Variants in KIAA1549L observed in about 807,000 individuals in gnomAD.
KIAA1549L encodes UPF0606 protein KIAA1549L.
Under a neutral mutation model 160.7 loss-of-function variants are expected in KIAA1549L, and 88 were observed. The observed-to-expected ratio is 0.55, with a 90% CI of 0.46 to 0.65. The LOEUF (loss-of-function observed/expected upper bound fraction) is 0.65. Ranked by LOEUF, KIAA1549L falls within the 30% of genes least tolerant of loss-of-function variation. The pLI is 0.00. For synonymous variants in KIAA1549L, 950 were observed against 976.7 expected (o/e 0.97, Z 0.51); for missense variants, 2,258 against 2,437.5 (o/e 0.93, Z 1.55).
At chr11:33,606,932 A>G in intron 14 of KIAA1549L, 110 bp downstream of exon 14, 3 of 899,646 alleles carry the variant, frequency 3.3e-6, no homozygotes, top group Non-Finnish European at 5.0e-6. Context: ...AGGGCCGTAT[A>G]GGTCATTTTT....
At chr11:33,518,168 A>G (rs980487725) in intron 1 of KIAA1549L, among the ~76,000 whole-genome samples, 64 of 136,616 alleles carry the variant, frequency 4.7e-4, no homozygotes, top group Non-Finnish European at 3.8e-4. Flanking sequence ...AAAAAAAAAG[A>G]CATAGCAAAG....
intron 1 of KIAA1549L, among the ~76,000 whole-genome samples, chr11:33,516,126 G>T (rs1853339030): frequency 6.7e-6 from 1 of 150,086 alleles, no homozygotes; most frequent in East Asian, 2.0e-4. Flanking sequence ...CTACCAATCA[G>T]CTGGAGGTGA....
chr11:33,404,153 A>C (rs1254775263), intron 1 of KIAA1549L, among the ~76,000 whole-genome samples: 1 of 152,166 alleles, frequency 6.6e-6, no homozygotes, highest in East Asian at 1.9e-4. Context: ...GATCCTTTAA[A>C]TCTCCTGTAC....
chr11:33,536,097 T>C (rs1455341298), intron 1 of KIAA1549L, among the ~76,000 whole-genome samples: 3 of 152,230 alleles, frequency 2.0e-5, no homozygotes, highest in Non-Finnish European at 4.4e-5. Flanking sequence ...CTGAATCCTT[T>C]TGAGAATCTG....
chr11:33,503,916 T>C (rs1393964357), intron 1 of KIAA1549L, among the ~76,000 whole-genome samples: 1 of 152,272 alleles, frequency 6.6e-6, no homozygotes, highest in Non-Finnish European at 1.5e-5. Context: ...TATTCAGCTC[T>C]GATGACATTC....
chr11:33,491,506 A>G (rs1235627593), intron 1 of KIAA1549L, among the ~76,000 whole-genome samples: 5 of 152,226 alleles, frequency 3.3e-5, no homozygotes, highest in Non-Finnish European at 7.4e-5. Context: ...TAACTTTCCA[A>G]TCAGCCAAGA....
chr11:33,575,101 A>ACC (rs923978143), intron 10 of KIAA1549L, among the ~76,000 whole-genome samples: 3 of 152,164 alleles, frequency 2.0e-5, no homozygotes, highest in Non-Finnish European at 2.9e-5. Flanking sequence ...AGTCCTACCC[A>ACC]CCCTTCTTCC....
chr11:33,380,885 C>T (rs1055442680), intron 1 of KIAA1549L, among the ~76,000 whole-genome samples: 6 of 152,034 alleles, frequency 3.9e-5, no homozygotes, highest in Non-Finnish European at 8.8e-5. Flanking sequence ...AACTTGCAGT[C>T]GAGTCTAGAA....
intron 1 of KIAA1549L, among the ~76,000 whole-genome samples, chr11:33,423,094 C>T (rs931901270): frequency 1.1e-4 from 16 of 152,120 alleles, no homozygotes; most frequent in South Asian, 4.1e-4. Flanking sequence ...TGAAAATATG[C>T]GAGGACTTCA....
At chr11:33,521,667 T>G (rs2133127128) in intron 1 of KIAA1549L, among the ~76,000 whole-genome samples, 1 of 152,288 alleles carries the variant, frequency 6.6e-6, no homozygotes, top group South Asian at 2.1e-4. Context: ...CCTCCCAGAC[T>G]CTAGCAAATG....
chr11:33,431,222 A>T (rs910569279), intron 1 of KIAA1549L, among the ~76,000 whole-genome samples: 1 of 152,312 alleles, frequency 6.6e-6, no homozygotes, highest in South Asian at 2.1e-4. Context: ...AAGAGTGAGC[A>T]GTAGCAAGAT....
chr11:33,547,888 T>A lies in KIAA1549L; in HGVS notation c.3501+9T>A, dbSNP rs769214782. 34 of 1,576,434 alleles carry A rather than the reference T, an allele frequency of 2.2e-5. No homozygotes were observed. In the South Asian group the frequency reaches 3.7e-4, roughly 17 times the overall value. ...ACGATGTCTCAGCTCACGTAAGTGC[T>A]TTGCTTTGTAACCAAGCTAATCCAT... On this transcript the variant is annotated intron_variant, in intron 4 of 20. Coordinates refer to ENST00000658780, the MANE Select transcript of KIAA1549L (RefSeq NM_012194.3).
At chr11:33,482,631 G>A (rs937756629) in intron 1 of KIAA1549L, among the ~76,000 whole-genome samples, 6 of 144,880 alleles carry the variant, frequency 4.1e-5, no homozygotes, top group Non-Finnish European at 6.0e-5. Flanking sequence ...GCGGTGGCAT[G>A]ATCTTGGCCC....
intron 1 of KIAA1549L, among the ~76,000 whole-genome samples, chr11:33,460,041 G>A (rs184658564): frequency 6.6e-6 from 1 of 150,850 alleles, no homozygotes; most frequent in East Asian, 1.9e-4. Context: ...GCAACCCACA[G>A]CATATCTTTA....
At chr11:33,490,776 C>A (rs749606793) in intron 1 of KIAA1549L, among the ~76,000 whole-genome samples, 12 of 152,172 alleles carry the variant, frequency 7.9e-5, no homozygotes, top group Admixed American at 3.3e-4. Context: ...CATTTAACAC[C>A]GTGCTCTCAA....
chr11:33,383,710 A>G (rs911076720), intron 1 of KIAA1549L, among the ~76,000 whole-genome samples: 1 of 152,156 alleles, frequency 6.6e-6, no homozygotes, highest in African/African-American at 2.4e-5. Context: ...AAGTACTTCC[A>G]TGAATTGGGT....
intron 14 of KIAA1549L, among the ~76,000 whole-genome samples, chr11:33,607,046 G>T (rs1052330929): frequency 6.6e-6 from 1 of 152,138 alleles, no homozygotes; most frequent in Non-Finnish European, 1.5e-5. Flanking sequence ...TTCATTAAAA[G>T]CCCAGAAGGA....
chr11:33,575,095 C>A (rs1417901442), intron 10 of KIAA1549L, among the ~76,000 whole-genome samples: 1 of 152,206 alleles, frequency 6.6e-6, no homozygotes, highest in African/African-American at 2.4e-5. Flanking sequence ...CCCCCAAGTC[C>A]TACCCACCCT....
At chr11:33,632,105 A>G (rs10836085) in intron 16 of KIAA1549L, among the ~76,000 whole-genome samples, 44,542 of 152,050 alleles carry the variant, frequency 0.29, 6,906 homozygotes, top group Middle Eastern at 0.4. Flanking sequence ...AGCAACAGAA[A>G]CTCCAACTTA....
Sources: gnomAD v4.1 joint callset for allele counts (sites outside exome capture counted in the v4.1 genomes callset) on GRCh38, gnomAD v4.1.1 for gene constraint, MANE v1.5 for transcripts, NCBI Gene and HGNC (gene_info 2026-07-23, HGNC 2026-07-21) for gene names.